Variants in ODAD3 observed in about 807,000 individuals in gnomAD.
ODAD3 encodes the protein outer dynein arm docking complex subunit 3.
A neutral mutation model predicts 70.9 loss-of-function variants in ODAD3; 57 were observed. That is an observed-to-expected ratio of 0.80 (90% CI 0.65 to 1.00). The LOEUF (loss-of-function observed/expected upper bound fraction) is 1.00. Ranked by LOEUF, ODAD3 falls within the 50% of genes least tolerant of loss-of-function variation. The probability of loss-of-function intolerance (pLI) is 0.00; values close to 1 mark genes in which losing one functional copy is unlikely to be tolerated. For missense variants in ODAD3, 797 were observed against 763.9 expected, an observed-to-expected ratio of 1.04 and a Z score of -0.51; for synonymous variants, 327 against 315.9, an observed-to-expected ratio of 1.04 and a Z score of -0.37.
At chr19:11,435,771 T>C, upstream of ODAD3, 1 of 1,384,316 alleles carries the variant, frequency 7.2e-7, no homozygotes, top group Admixed American at 2.2e-5. Context: ...GGAGGGTGCA[T>C]GTGTGGGTGT....
In ODAD3 at chr19:11,421,693, T is replaced by C; in HGVS notation, c.1574A>G (p.His525Arg). 3 of 1,612,870 alleles carry C rather than the reference T, an allele frequency of 1.9e-6. No homozygotes were observed. Among genetic ancestry groups the C allele is most frequent in the Non-Finnish European group, 2.5e-6 (3 of 1,179,680 alleles). Residue 525 changes from histidine to arginine, a missense_variant, in exon 11 of 13, where the codon CAC (histidine) becomes CGC (arginine). Transcript: ENST00000356392. ...GCAGGGCACCTCGCGGTTAGCGATG[T>C]GGCACAGCATCTCCTGCACGTCGTG... is the stretch of plus-strand genomic sequence containing the variant. ...QGHDVQEMLC[H>R]IANREFLASL...
chr19:11,433,324 T>A (rs530757388), intron 1 of ODAD3, among the ~76,000 whole-genome samples: 1 of 152,322 alleles, frequency 6.6e-6, no homozygotes, highest in East Asian at 1.9e-4. Context: ...TTTTTTGTAT[T>A]TTTAGTAGAG....
At position 11,423,413 on chromosome 19, in the gene ODAD3, AG is replaced by A. The variant is rs147311121; in HGVS notation, c.1116+463del. 9.8e-3 allele frequency among the ~76,000 whole-genome samples: 1,498 copies of A among 152,290 alleles called. 19 individuals are homozygous for A. The highest frequency in any genetic ancestry group is 0.034 in the African/African-American group (1,401 of 41,558). ...GTTCACCGGCGGGAACCAGGACCCA[AG>A]GGGGACACAGCGGTCTTAGAATAAT... On this transcript the variant is annotated intron_variant, in intron 8 of 12. Coordinates refer to ENST00000356392, the MANE Select transcript of ODAD3 (RefSeq NM_145045.5).
upstream of ODAD3, chr19:11,435,401 A>G: frequency 2.5e-6 from 1 of 397,624 alleles, no homozygotes; most frequent in Non-Finnish European, 4.6e-6. Context: ...ATTTTTCAGG[A>G]ACTTTCTTTC....
At chr19:11,430,662 G>A (rs756427345) in intron 3 of ODAD3, 37 bp downstream of exon 3, 44 of 1,608,464 alleles carry the variant, frequency 2.7e-5, no homozygotes, top group Non-Finnish European at 3.4e-5. Context: ...GACCCAGGCT[G>A]GAAATGAAGG....
At chr19:11,424,102 T>C in intron 7 of ODAD3, 73 bp from the exon 8 acceptor site, 63 of 1,487,136 alleles carry the variant, frequency 4.2e-5, no homozygotes, top group Middle Eastern at 2.0e-4. Context: ...GGGAGGGGGA[T>C]CCAGATAGGG....
intron 3 of ODAD3, among the ~76,000 whole-genome samples, chr19:11,428,417 A>G (rs1969432600): frequency 6.6e-6 from 1 of 151,920 alleles, no homozygotes; most frequent in Non-Finnish European, 1.5e-5. Context: ...ACGTTTTTGT[A>G]TTTTTGGTAG....
At position 11,422,705 on chromosome 19, in the gene ODAD3, C is replaced by T; in HGVS notation, c.1273G>A (p.Val425Met). 1 of 1,612,420 alleles carries T rather than the reference C, an allele frequency of 6.2e-7. No homozygotes were observed. The highest frequency in any genetic ancestry group is 8.5e-7 in the Non-Finnish European group (1 of 1,179,810). The change falls in exon 9 of 13, where the codon GTG becomes ATG. Residue 425 changes from valine (V) to methionine (M), a missense_variant. By Grantham distance (21) the Val-to-Met change is conservative (BLOSUM62 1). Transcript: ENST00000356392. This position sits in a 1 kb window ranked among gnomAD's most constrained non-coding sequence, Gnocchi z 4.6. ...CCCAGAGCCCCGGTGCCTCACCTCA[C>T]CAGCGTGGCCTCCCCCGAGTACTTG... is the stretch of plus-strand genomic sequence containing the variant. Reference protein sequence around the residue: ...DLKYSGEATLVSQQKLQAEAQ... With the variant: ...DLKYSGEATLMSQQKLQAEAQ...
At chr19:11,432,916 T>TC (rs1182261414) in intron 1 of ODAD3, among the ~76,000 whole-genome samples, 1 of 151,932 alleles carries the variant, frequency 6.6e-6, no homozygotes, top group Non-Finnish European at 1.5e-5. Flanking sequence ...GCCTCAGCCT[T>TC]CCAAGTAGCT....
At chr19:11,426,115 CACAGG>C in intron 7 of ODAD3, 24 bp downstream of exon 7, 1 of 1,595,820 alleles carries the variant, frequency 6.3e-7, no homozygotes, top group Non-Finnish European at 8.5e-7. Context: ...GGGCTGGAGT[CACAGG>C]CGCGCACCCC....
At chr19:11,423,084 A>T (rs1442678203) in intron 8 of ODAD3, among the ~76,000 whole-genome samples, 1 of 152,210 alleles carries the variant, frequency 6.6e-6, no homozygotes, top group Non-Finnish European at 1.5e-5. Context: ...GGCCTATATA[A>T]GGAATTTGAG....
At chr19:11,425,015 A>G (rs1162866848) in intron 7 of ODAD3, among the ~76,000 whole-genome samples, 1 of 130,830 alleles carries the variant, frequency 7.6e-6, no homozygotes, top group Non-Finnish European at 1.5e-5. Context: ...ATATATGTGT[A>G]TATATACATA....
intron 7 of ODAD3, among the ~76,000 whole-genome samples, chr19:11,424,965 ATATATGTATATATGTG>A (rs1160579162): frequency 1.3e-4 from 15 of 119,776 alleles, no homozygotes; most frequent in Non-Finnish European, 5.1e-5. Flanking sequence ...ACATATGTGT[ATATATGTATATATGTG>A]TATATGTACA....
At chr19:11,435,700 G>A (rs867672439), upstream of ODAD3, 44 of 1,315,960 alleles carry the variant, frequency 3.3e-5, no homozygotes, top group Middle Eastern at 6.1e-4. Context: ...CTTTGCTCCG[G>A]CCTCGTGTAG....
upstream of ODAD3, chr19:11,435,294 G>A: frequency 1.0e-6 from 1 of 979,592 alleles, no homozygotes; most frequent in Non-Finnish European, 1.4e-6. Context: ...GGGTAGAGCC[G>A]CGCCGCAGGA....
rs1456888017 is a variant in ODAD3, at chr19:11,425,071, GTA to G, written c.964-1044_964-1043del. 1.8e-4 allele frequency among the ~76,000 whole-genome samples: 21 copies of G among 117,892 alleles called. 1 individual carries two copies. The highest frequency in any genetic ancestry group is 6.1e-4 in the African/African-American group (13 of 21,196). 77.3% of individuals were successfully genotyped at this position (117,892 alleles called of 152,430 possible). A position where few individuals can be genotyped will look rare whatever the true frequency, so the allele number is the denominator to read the frequency against. ...TATATATGTGTATATGTGTATATAT[GTA>G]TATGTGTATATGTACATATGTGTAT... is the stretch of plus-strand genomic sequence containing the variant. On this transcript the variant is annotated intron_variant, in intron 7 of 12. Coordinates refer to ENST00000356392, the MANE Select transcript of ODAD3 (RefSeq NM_145045.5).
At chr19:11,425,448 T>C (rs1051186030) in intron 7 of ODAD3, among the ~76,000 whole-genome samples, 3 of 137,498 alleles carry the variant, frequency 2.2e-5, no homozygotes, top group Middle Eastern at 4.3e-3. Context: ...TATGTATATA[T>C]ACATATATGT....
intron 5 of ODAD3, 38 bp from the exon 6 acceptor site, chr19:11,426,609 G>A (rs1411160100): frequency 1.2e-6 from 2 of 1,613,624 alleles, no homozygotes; most frequent in Admixed American, 1.7e-5. Context: ...AGATGGTGCA[G>A]GTCTGTGACT....
chr19:11,423,640 A>G (rs1330435452), intron 8 of ODAD3, among the ~76,000 whole-genome samples: 1 of 152,170 alleles, frequency 6.6e-6, no homozygotes, highest in Non-Finnish European at 1.5e-5. Context: ...GCGAGTGTAG[A>G]AATGACGGCG....
Sources: allele counts gnomAD v4.1 joint callset (sites outside exome capture counted in the v4.1 genomes callset), GRCh38; gene constraint gnomAD v4.1.1; non-coding constraint Gnocchi (gnomAD v3.1); transcripts MANE v1.5; gene names NCBI Gene and HGNC (gene_info 2026-07-23, HGNC 2026-07-21).